The following DEPDC4 variants were observed in gnomAD, a reference collection of about 807,000 sequenced individuals.
The protein encoded by DEPDC4 is DEP domain-containing protein 4.
DEPDC4 carries 52 observed loss-of-function variants against 52.0 expected under a neutral mutation model. The ratio of observed to expected loss-of-function variants is 1.00; its 90% confidence interval spans 0.80 to 1.26. The LOEUF (loss-of-function observed/expected upper bound fraction) is 1.26. DEPDC4 is among the 50% of genes most tolerant of loss of function. DEPDC4 has a pLI of 0.00. For synonymous variants in DEPDC4, 201 were observed against 196.8 expected (o/e 1.02, Z -0.18); for missense variants, 530 against 546.9 (o/e 0.97, Z 0.31).
At position 100,266,949 on chromosome 12, in the gene DEPDC4, C is replaced by G. The variant is rs367934910; in HGVS notation, c.128G>C (p.Arg43Thr). 1 of 1,613,936 alleles carries G rather than the reference C, an allele frequency of 6.2e-7. No individual in the cohort carries two copies. The highest frequency in any genetic ancestry group is 8.5e-7 in the Non-Finnish European group (1 of 1,179,874). ...CCTCCTTTTCCGGCAGAAGCCATCT[C>G]TACGGTTCCTGGAACTTGGCCCGTT... The part of the protein sequence containing the change: ...GLNGPSSRNR[R>T]DGFCRKRRTG... Residue 43 changes from arginine (R) to threonine (T), a missense_variant, in exon 1 of 10, where the codon AGA (arginine) becomes ACA (threonine). Physicochemically the swap from Arg to Thr is moderately conservative, Grantham distance 71 (BLOSUM62 -1). Coordinates refer to ENST00000550587, the MANE Select transcript of DEPDC4 (RefSeq NM_001364818.2).
intron 9 of DEPDC4, among the ~76,000 whole-genome samples, chr12:100,232,370 TG>T (rs2096135977): frequency 6.7e-6 from 1 of 150,278 alleles, no homozygotes; most frequent in Non-Finnish European, 1.5e-5. Context: ...CACTCCAGCC[TG>T]GGCGACAGAG....
intron 3 of DEPDC4, among the ~76,000 whole-genome samples, chr12:100,259,231 A>T (rs2096245508): frequency 6.6e-6 from 1 of 152,160 alleles, no homozygotes; most frequent in African/African-American, 2.4e-5. Context: ...GATCATGGTA[A>T]AGGCAGACAC....
At chr12:100,259,464 C>A (rs942643916) in intron 3 of DEPDC4, among the ~76,000 whole-genome samples, 23 of 152,166 alleles carry the variant, frequency 1.5e-4, no homozygotes, top group Non-Finnish European at 3.1e-4. Context: ...TGTATTTGGT[C>A]TAAGGAAAAC....
Position 100,248,653 on chromosome 12 carries a change from G to A in DEPDC4, c.1453+247C>T, listed in dbSNP as rs535262185. On this transcript the variant is annotated intron_variant, in intron 8 of 9. Transcript: ENST00000550587. ...GCATGTGGGTGATAATTGAAGGGGA[G>A]GTGAGAATTGGGAGCAGCAGTGAGA... Among the ~76,000 whole-genome samples, 100 of 152,234 alleles carry A rather than the reference G, an allele frequency of 6.6e-4. 1 individual carries two copies. Among genetic ancestry groups the A allele is most frequent in the African/African-American group, 2.3e-3 (97 of 41,540 alleles).
At chr12:100,259,925 G>C (rs534930962) in intron 3 of DEPDC4, among the ~76,000 whole-genome samples, 3 of 151,118 alleles carry the variant, frequency 2.0e-5, no homozygotes, top group Admixed American at 2.0e-4. Context: ...TAGAGTGACA[G>C]CTTTCATTCC....
Position 100,255,449 on chromosome 12 carries a change from C to A in DEPDC4, c.878+600G>T, listed in dbSNP as rs565563260. 1.5e-4 allele frequency among the ~76,000 whole-genome samples: 23 copies of A among 152,282 alleles called. No individual in the cohort carries two copies. In the South Asian group the frequency reaches 4.3e-3, roughly 29 times the overall value. ...CAGCCTTGGTGTCTCATCTTCTTTTCTTGTTTGGCTCACATGGGAGGAAGC... is the reference window on the plus strand; with the variant it reads ...CAGCCTTGGTGTCTCATCTTCTTTTATTGTTTGGCTCACATGGGAGGAAGC... On this transcript the variant is annotated intron_variant, in intron 4 of 9. Transcript: ENST00000550587.
chr12:100,280,134 G>GA, the DEPDC4 span, among the ~76,000 whole-genome samples: 6 of 152,168 alleles, frequency 3.9e-5, no homozygotes, highest in Admixed American at 3.3e-4. Flanking sequence ...TTCAATGTCT[G>GA]AAAAAATGTG....
At chr12:100,280,702 T>C in the DEPDC4 span, among the ~76,000 whole-genome samples, 2 of 152,192 alleles carry the variant, frequency 1.3e-5, no homozygotes, top group Non-Finnish European at 2.9e-5. Flanking sequence ...AGCAGTGATA[T>C]GGTGCTTAAA....
intron 4 of DEPDC4, among the ~76,000 whole-genome samples, chr12:100,254,460 G>A (rs2096223393): frequency 6.6e-6 from 1 of 151,460 alleles, no homozygotes; most frequent in African/African-American, 2.4e-5. Flanking sequence ...CGAGTAGCCA[G>A]GACTATAGGC....
At chr12:100,266,255 T>TA (rs2096272495) in intron 1 of DEPDC4, among the ~76,000 whole-genome samples, 8 of 151,938 alleles carry the variant, frequency 5.3e-5, no homozygotes, top group Non-Finnish European at 8.8e-5. Flanking sequence ...TACGATAAAA[T>TA]GACAGAAATA....
At chr12:100,266,774 G>T in intron 1 of DEPDC4, 146 bp downstream of exon 1, 1 of 1,127,620 alleles carries the variant, frequency 8.9e-7, no homozygotes, top group Non-Finnish European at 1.2e-6. Flanking sequence ...GGGTCCCCCA[G>T]TCCAGTGCCT....
the DEPDC4 span, among the ~76,000 whole-genome samples, chr12:100,273,645 T>C: frequency 1.3e-5 from 2 of 152,240 alleles, no homozygotes; most frequent in Admixed American, 6.5e-5. Context: ...TTTGTTTTCA[T>C]ATGTAACTGT....
rs776967017 is a variant in DEPDC4, at chr12:100,263,876, GA to G, written c.174del (p.Gln59LysfsTer19). On this transcript the variant is annotated frameshift_variant, in exon 2 of 10. Coordinates refer to ENST00000550587, the MANE Select transcript of DEPDC4 (RefSeq NM_001364818.2). LOFTEE classifies it high-confidence loss of function. ...RKRRTGCSGP[F>X]QATQLWDGII... Reference sequence around the variant, plus strand: ...ATACCATCCCATAGCTGAGTAGCTTGAAAAGGACCAGAGCATCCTGAAAAAA... The same window carrying G: ...ATACCATCCCATAGCTGAGTAGCTTGAAAGGACCAGAGCATCCTGAAAAAA... The G allele has an allele frequency of 3.7e-6, 6 of 1,607,188 alleles. No individual in the cohort carries two copies. The highest frequency in any genetic ancestry group is 5.1e-6 in the Non-Finnish European group (6 of 1,176,554).
chr12:100,272,567 C>T, the DEPDC4 span, among the ~76,000 whole-genome samples: 1 of 152,090 alleles, frequency 6.6e-6, no homozygotes, highest in Non-Finnish European at 1.5e-5. Context: ...TGTCTAAAAA[C>T]CTATTAGATA....
In DEPDC4 at chr12:100,262,277, C is replaced by T. The variant is rs749383950; in HGVS notation, c.687G>A (p.Arg229=). The change falls in exon 3 of 10, where the codon CGG becomes CGA. Residue 229 remains arginine (R), a synonymous_variant. Coordinates refer to ENST00000550587, the MANE Select transcript of DEPDC4 (RefSeq NM_001364818.2). ...PNITVQKPFL[R]LSKEDVWKEQ... is the part of the protein sequence containing the mutation. ...AAAACAAATTACCTTCTTTTGAAAG[C>T]CGGAGAAAAGGTTTCTGAACTGTGA... 3 of 1,601,492 alleles carry T rather than the reference C, an allele frequency of 1.9e-6. No homozygotes were observed. Among genetic ancestry groups the T allele is most frequent in the East Asian group, 4.5e-5 (2 of 44,728 alleles).
At chr12:100,242,813 TTCA>T (rs1387900625) in intron 8 of DEPDC4, among the ~76,000 whole-genome samples, 8 of 152,322 alleles carry the variant, frequency 5.3e-5, no homozygotes, top group African/African-American at 1.9e-4. Flanking sequence ...GAGCCACTGC[TTCA>T]TCAATATGTG....
chr12:100,277,761 C>A, the DEPDC4 span, among the ~76,000 whole-genome samples: 11 of 151,874 alleles, frequency 7.2e-5, no homozygotes, highest in African/African-American at 2.7e-4. Context: ...TTGTATTTGC[C>A]ACATTTGTTT....
At chr12:100,243,687 G>C (rs2096170212) in intron 8 of DEPDC4, among the ~76,000 whole-genome samples, 1 of 151,788 alleles carries the variant, frequency 6.6e-6, no homozygotes, top group African/African-American at 2.4e-5. Context: ...CCTCTCAGCA[G>C]ATCAGTATGC....
chr12:100,272,692 A>C, the DEPDC4 span, among the ~76,000 whole-genome samples: 17 of 152,240 alleles, frequency 1.1e-4, no homozygotes, highest in African/African-American at 4.1e-4. Flanking sequence ...CCTTCCACCT[A>C]GACTGTGAAA....
Sources: gnomAD v4.1 joint callset for allele counts (sites outside exome capture counted in the v4.1 genomes callset) on GRCh38, gnomAD v4.1.1 for gene constraint, MANE v1.5 for transcripts, NCBI Gene and HGNC (gene_info 2026-07-23, HGNC 2026-07-21) for gene names.